Variants in USP29 observed in about 807,000 individuals in gnomAD.
USP29 encodes ubiquitin carboxyl-terminal hydrolase 29.
For missense variants in USP29, 1,102 were observed against 1,069.0 expected, an observed-to-expected ratio of 1.03 and a Z score of -0.43; for synonymous variants, 386 against 387.4, an observed-to-expected ratio of 1.00 and a Z score of 0.04.
chr19:57,130,470 A>G lies in USP29; in HGVS notation c.1795A>G (p.Lys599Glu), dbSNP rs2086851194. 6.2e-7 allele frequency: 1 copy of G among 1,614,066 alleles called. No homozygotes were observed. Among genetic ancestry groups the G allele is most frequent in the East Asian group, 2.2e-5 (1 of 44,890 alleles). Reference protein sequence around the residue: ...DSLVLPVEPDKNADLQRFQRD... With the variant: ...DSLVLPVEPDENADLQRFQRD... ...CCTGGTTCTACCCGTTGAACCAGAC[A>G]AGAATGCCGACCTACAAAGATTCCA... is the stretch of plus-strand genomic sequence containing the variant. Residue 599 changes from lysine to glutamate, a missense_variant, in exon 4 of 4, where the codon AAG becomes GAG. Physicochemically the swap from Lys to Glu is moderately conservative, Grantham distance 56. Transcript: ENST00000254181.
At chr19:57,119,453 C>T (rs1175896612), upstream of USP29, among the ~76,000 whole-genome samples, 6 of 151,710 alleles carry the variant, frequency 4.0e-5, no homozygotes, top group African/African-American at 1.5e-4. Context: ...GACGGAGTCT[C>T]GCTCTGTCGC....
Position 57,120,734 on chromosome 19 carries a change from C to T in USP29, c.-268+505C>T, listed in dbSNP as rs1317293625. On this transcript the variant is annotated intron_variant, in intron 1 of 3. Transcript: ENST00000254181. ...CCCCAGAGGTGGAGGTTGCAGTGAG[C>T]CGAGATCACACCACTGCACTCCAGC... Among the ~76,000 whole-genome samples the T allele has an allele frequency of 2.1e-4, 27 of 130,616 alleles. No individual in the cohort carries two copies. In the Admixed American group the frequency reaches 2.4e-3, roughly 11 times the overall value. 85.7% of individuals were successfully genotyped at this position (130,616 alleles called of 152,430 possible). A position where few individuals can be genotyped will look rare whatever the true frequency, so the allele number is the denominator to read the frequency against.
rs1229717273 is a variant in USP29, at chr19:57,120,030, G to T, written c.-467G>T. On this transcript the variant is annotated 5_prime_UTR_variant, in exon 1 of 4. Coordinates refer to ENST00000254181, the MANE Select transcript of USP29 (RefSeq NM_020903.3). ...ATCAGGGGAGTCGGCGCCGGAAGGGGCGGGTCCGAGCTGAGATTTCCAGAG... is the reference window on the plus strand; with the variant it reads ...ATCAGGGGAGTCGGCGCCGGAAGGGTCGGGTCCGAGCTGAGATTTCCAGAG... 6.6e-6 allele frequency: 1 copy of T among 152,558 alleles called. No homozygotes were observed. Among genetic ancestry groups the T allele is most frequent in the African/African-American group, 2.4e-5 (1 of 41,482 alleles). The allele number at this position is 152,558 out of a possible 1,614,324, so 9.5% of individuals were successfully genotyped here. A position where few individuals can be genotyped will look rare whatever the true frequency, so the allele number is the denominator to read the frequency against.
At position 57,129,230 on chromosome 19, in the gene USP29, G is replaced by A; in HGVS notation, c.555G>A (p.Lys185=). 6.2e-7 allele frequency: 1 copy of A among 1,611,970 alleles called. No homozygotes were observed. The highest frequency in any genetic ancestry group is 8.5e-7 in the Non-Finnish European group (1 of 1,179,210). ...TACAGACAAATGAGGACATTCTGAAGGAAGATAACCCTGTACCAAACAAGA... is the reference window on the plus strand; with the variant it reads ...TACAGACAAATGAGGACATTCTGAAAGAAGATAACCCTGTACCAAACAAGA... ...SDVQTNEDIL[K]EDNPVPNKKY... is the part of the protein sequence containing the mutation. Residue 185 remains lysine (K), a synonymous_variant, in exon 4 of 4, where the codon AAG becomes AAA. Coordinates refer to ENST00000254181, the MANE Select transcript of USP29 (RefSeq NM_020903.3).
rs1436986210 is a variant in USP29 at position 57,130,823 on chromosome 19, T to C, written c.2148T>C (p.Tyr716=). The C allele has an allele frequency of 1.2e-6, 2 of 1,614,206 alleles. No individual in the cohort carries two copies. Among genetic ancestry groups the C allele is most frequent in the East Asian group, 4.5e-5 (2 of 44,882 alleles). Residue 716 remains tyrosine (Y), a synonymous_variant, in exon 4 of 4, where the codon TAT becomes TAC. Transcript: ENST00000254181. ...DSVTESTNGF[Y]DCKENRIPEG... ...TCACTGAGTCCACCAATGGCTTTTATGACTGTAAAGAAAACAGGATTCCAG... is the reference window on the plus strand; with the variant it reads ...TCACTGAGTCCACCAATGGCTTTTACGACTGTAAAGAAAACAGGATTCCAG...
intron 3 of USP29, among the ~76,000 whole-genome samples, chr19:57,127,506 G>C (rs1286404496): frequency 2.0e-5 from 3 of 152,188 alleles, no homozygotes; most frequent in Admixed American, 1.3e-4. Flanking sequence ...TAGAGAAGCA[G>C]TCTGGCCACA....
chr19:57,125,732 A>T (rs557386704), intron 3 of USP29, among the ~76,000 whole-genome samples: 1 of 152,112 alleles, frequency 6.6e-6, no homozygotes, highest in South Asian at 2.1e-4. Flanking sequence ...GCCAGTCTGT[A>T]TCTTTTAATT....
Position 57,131,421 on chromosome 19 carries a change from G to A in USP29, c.2746G>A (p.Asp916Asn), listed in dbSNP as rs988240803. 1 of 1,612,900 alleles carries A rather than the reference G, an allele frequency of 6.2e-7. No individual in the cohort carries two copies. The highest frequency in any genetic ancestry group is 8.5e-7 in the Non-Finnish European group (1 of 1,179,520). ...GVIPQGEYEG[D>N]SLYRPA ...GATCCCTCAGGGGGAATACGAAGGT[G>A]ACTCTTTGTACAGACCTGCTTGACA... The change falls in exon 4 of 4, where the codon GAC (aspartate) becomes AAC (asparagine). Residue 916 changes from aspartate (D) to asparagine (N), a missense_variant. Asp to Asn is a conservative substitution (Grantham distance 23). Coordinates refer to ENST00000254181, the MANE Select transcript of USP29 (RefSeq NM_020903.3).
rs745390098 is a variant in USP29, at chr19:57,129,054, A to G, written c.379A>G (p.Lys127Glu). The G allele has an allele frequency of 1.9e-6, 3 of 1,612,958 alleles. No individual in the cohort carries two copies. The highest frequency in any genetic ancestry group is 1.7e-5 in the Admixed American group (1 of 59,818). The part of the protein sequence containing the change: ...WSVFESRNML[K>E]EIDKTSFYSI... ...TGTGTTTGAAAGCAGGAATATGCTG[A>G]AGGAAATTGACAAAACTTCATTTTA... The change falls in exon 4 of 4, where the codon AAG becomes GAG. Residue 127 changes from lysine (K) to glutamate (E), a missense_variant. Lys to Glu is a moderately conservative substitution (Grantham distance 56). Coordinates refer to ENST00000254181, the MANE Select transcript of USP29 (RefSeq NM_020903.3).
In USP29 at chr19:57,130,339, C is replaced by T. The variant is rs373161087; in HGVS notation, c.1664C>T (p.Ala555Val). ...TKPPLPLSSS[A>V]PVGKCEVLEV... is the part of the protein sequence containing the mutation. ...CCACCTCTTCCCTTGAGCAGTAGTG[C>T]ACCTGTTGGGAAATGTGAAGTCCTG... is the stretch of plus-strand genomic sequence containing the variant. The change falls in exon 4 of 4, where the codon GCA (alanine) becomes GTA (valine). Residue 555 changes from alanine (A) to valine (V), a missense_variant. Physicochemically the swap from Ala to Val is moderately conservative, Grantham distance 64. Transcript: ENST00000254181. The T allele has an allele frequency of 6.2e-7, 1 of 1,614,114 alleles. No individual in the cohort carries two copies. The highest frequency in any genetic ancestry group is 1.1e-5 in the South Asian group (1 of 91,082).
In USP29 at chr19:57,131,668, T is replaced by C; in HGVS notation, c.*224T>C. 1 of 650,336 alleles carries C rather than the reference T, an allele frequency of 1.5e-6. No individual in the cohort carries two copies. The highest frequency in any genetic ancestry group is 2.4e-6 in the Non-Finnish European group (1 of 409,468). The allele number at this position is 650,336 out of a possible 1,614,324, so 40.3% of individuals were successfully genotyped here. A position where few individuals can be genotyped will look rare whatever the true frequency, so the allele number is the denominator to read the frequency against. On this transcript the variant is annotated 3_prime_UTR_variant, in exon 4 of 4. Coordinates refer to ENST00000254181, the MANE Select transcript of USP29 (RefSeq NM_020903.3). ...TTTCCCTGCAAGATTAGAATGGTGC[T>C]CTTCACGTTTTGACGGTGGTTTTCA...
chr19:57,126,472 C>A (rs1041071051), intron 3 of USP29, among the ~76,000 whole-genome samples: 1 of 151,938 alleles, frequency 6.6e-6, no homozygotes, highest in African/African-American at 2.4e-5. Flanking sequence ...ATTCTTTTTT[C>A]TCTAATCTTG....
Position 57,131,626 on chromosome 19 carries a change from C to T in USP29, c.*182C>T. 3.2e-6 allele frequency: 3 copies of T among 941,840 alleles called. No homozygotes were observed. The highest frequency in any genetic ancestry group is 4.6e-6 in the Non-Finnish European group (3 of 648,134). The allele number at this position is 941,840 out of a possible 1,614,324, so 58.3% of individuals were successfully genotyped here. On this transcript the variant is annotated 3_prime_UTR_variant, in exon 4 of 4. Transcript: ENST00000254181. Reference sequence around the variant, plus strand: ...CTTCAGACACCTAGATCCCAGAACTCAGGCGCATATGCATATTTTCCCTGC... The same window carrying T: ...CTTCAGACACCTAGATCCCAGAACTTAGGCGCATATGCATATTTTCCCTGC...
chr19:57,124,837 G>A (rs569959708), intron 3 of USP29, among the ~76,000 whole-genome samples: 5 of 152,054 alleles, frequency 3.3e-5, no homozygotes, highest in African/African-American at 1.2e-4. Flanking sequence ...CCTTAATTTT[G>A]TTATTTAACC....
At position 57,128,770 on chromosome 19, in the gene USP29, G is replaced by T; in HGVS notation, c.95G>T (p.Arg32Ile). 2.5e-6 allele frequency: 4 copies of T among 1,613,854 alleles called. No homozygotes were observed. Among genetic ancestry groups the T allele is most frequent in the Non-Finnish European group, 2.5e-6 (3 of 1,179,922 alleles). Reference protein sequence around the residue: ...LKEALIETVQRQKEIKLVVTF... With the variant: ...LKEALIETVQIQKEIKLVVTF... ...GAAGCTCTCATTGAAACAGTGCAAA[G>T]ACAAAAGGAAATTAAACTGGTGGTC... The change falls in exon 4 of 4, where the codon AGA becomes ATA. Residue 32 changes from arginine (R) to isoleucine (I), a missense_variant. Coordinates refer to ENST00000254181, the MANE Select transcript of USP29 (RefSeq NM_020903.3).
At chr19:57,121,480 TTATATGTTATATATACTTATA>T (rs1301541900) in intron 1 of USP29, among the ~76,000 whole-genome samples, 6 of 139,840 alleles carry the variant, frequency 4.3e-5, no homozygotes, top group Admixed American at 3.7e-4. Flanking sequence ...TTATACATAC[TTATATGTTATATATACTTATA>T]TATGTTATAT....
chr19:57,129,610 A>T lies in USP29; in HGVS notation c.935A>T (p.Asp312Val). Reference protein sequence around the residue: ...SLFAIPSFADDLLTQGVPWEY... With the variant: ...SLFAIPSFADVLLTQGVPWEY... The stretch of plus-strand genomic sequence containing the variant: ...TTTGCAATTCCATCTTTTGCTGATG[A>T]CTTACTCACTCAAGGTGTCCCATGG... Residue 312 changes from aspartate (D) to valine (V), a missense_variant, in exon 4 of 4, where the codon GAC becomes GTC. Coordinates refer to ENST00000254181, the MANE Select transcript of USP29 (RefSeq NM_020903.3). 2 of 1,614,176 alleles carry T rather than the reference A, an allele frequency of 1.2e-6. No homozygotes were observed. The highest frequency in any genetic ancestry group is 1.7e-6 in the Non-Finnish European group (2 of 1,180,046).
rs1253505291 is a variant in USP29, at chr19:57,131,210, G to T, written c.2535G>T (p.Val845=). 16 of 1,614,210 alleles carry T rather than the reference G, an allele frequency of 9.9e-6. No individual in the cohort carries two copies. In the South Asian group the frequency reaches 1.6e-4, roughly 17 times the overall value. ...ATTCAGGCCATTACATCAGCGATGT[G>T]TATGACTTTCAGAAGCAGGCCTGGT... is the stretch of plus-strand genomic sequence containing the variant. The part of the protein sequence containing the change: ...SPNSGHYISD[V]YDFQKQAWFT... Residue 845 remains valine (V), a synonymous_variant, in exon 4 of 4, where the codon GTG becomes GTT. Coordinates refer to ENST00000254181, the MANE Select transcript of USP29 (RefSeq NM_020903.3).
At chr19:57,123,896 C>T (rs1305262707) in intron 2 of USP29, 143 bp from the exon 3 acceptor site, 1 of 152,272 alleles carries the variant, frequency 6.6e-6, no homozygotes, top group Non-Finnish European at 1.5e-5. Context: ...ATTAAATTAA[C>T]GTAAACGACT....
Sources: allele counts gnomAD v4.1 joint callset (sites outside exome capture counted in the v4.1 genomes callset), GRCh38; gene constraint gnomAD v4.1.1; transcripts MANE v1.5; gene names NCBI Gene and HGNC (gene_info 2026-07-23, HGNC 2026-07-21).